Variants in PCDH7 observed in about 807,000 individuals in gnomAD.
PCDH7 encodes protocadherin 7.
PCDH7 carries 17 observed loss-of-function variants against 58.9 expected under a neutral mutation model. That is an observed-to-expected ratio of 0.29 (90% CI 0.20 to 0.43). PCDH7 has a LOEUF of 0.43. Among genes scored for constraint, PCDH7 ranks in the 20% least tolerant of loss-of-function variants. The probability of loss-of-function intolerance (pLI) is 1.00; values close to 1 mark genes in which losing one functional copy is unlikely to be tolerated. For missense variants in PCDH7, 1,274 were observed against 1,441.0 expected (o/e 0.88, Z 1.88); for synonymous variants, 664 against 616.4 (o/e 1.08, Z -1.14).
At chr4:30,851,250 G>A (rs748963519) in intron 1 of PCDH7, among the ~76,000 whole-genome samples, 12 of 151,754 alleles carry the variant, frequency 7.9e-5, no homozygotes, top group South Asian at 2.1e-4. Context: ...TTCATTTTTG[G>A]TATAATGAGA....
At chr4:30,881,727 C>G (rs1049872098) in intron 1 of PCDH7, among the ~76,000 whole-genome samples, 4 of 152,120 alleles carry the variant, frequency 2.6e-5, no homozygotes, top group Admixed American at 6.6e-5. Context: ...TAAGTTAAAA[C>G]TGGCGAAAAT....
At chr4:31,094,057 A>G (rs1236647809) in intron 3 of PCDH7, among the ~76,000 whole-genome samples, 1 of 152,082 alleles carries the variant, frequency 6.6e-6, no homozygotes, top group Non-Finnish European at 1.5e-5. Flanking sequence ...CATCTGTACA[A>G]TTTCCACATC....
At chr4:30,765,151 T>TTTTTTA (rs1577707186) in intron 1 of PCDH7, among the ~76,000 whole-genome samples, 1 of 136,788 alleles carries the variant, frequency 7.3e-6, no homozygotes, top group African/African-American at 2.8e-5. Context: ...TTTTTTTTTT[T>TTTTTTA]AAGAAGGAAA....
chr4:30,792,331 T>A (rs1724226046), intron 1 of PCDH7, among the ~76,000 whole-genome samples: 1 of 151,892 alleles, frequency 6.6e-6, no homozygotes, highest in Non-Finnish European at 1.5e-5. Flanking sequence ...CATAGTATCA[T>A]GTGTGAAAAT....
intron 3 of PCDH7, among the ~76,000 whole-genome samples, chr4:31,097,948 A>T (rs1450530048): frequency 6.6e-6 from 1 of 152,094 alleles, no homozygotes; most frequent in Non-Finnish European, 1.5e-5. Flanking sequence ...ATGCATCAAG[A>T]TAAGGTGATT....
Position 31,037,645 on chromosome 4 carries a change from T to C in PCDH7, c.*7+87430T>C, listed in dbSNP as rs147504093. On this transcript the variant is annotated intron_variant, in intron 3 of 3. Transcript: ENST00000509759. Reference sequence around the variant, plus strand: ...ATATAGACACATGGCTGATAGTAGTTGGGAATATTTTACCTTCTCCCACTG... The same window carrying C: ...ATATAGACACATGGCTGATAGTAGTCGGGAATATTTTACCTTCTCCCACTG... Among the ~76,000 whole-genome samples, 514 of 152,324 alleles carry C rather than the reference T, an allele frequency of 3.4e-3. 2 individuals are homozygous for C. The highest frequency in any genetic ancestry group is 6.7e-3 in the Non-Finnish European group (453 of 68,028).
chr4:30,782,105 T>A (rs1284816160), intron 1 of PCDH7, among the ~76,000 whole-genome samples: 2 of 152,100 alleles, frequency 1.3e-5, no homozygotes, highest in African/African-American at 2.4e-5. Flanking sequence ...GAATATATAT[T>A]TGTGAATTTA....
chr4:30,847,604 AAGAT>A (rs568137248), intron 1 of PCDH7, among the ~76,000 whole-genome samples: 12 of 152,194 alleles, frequency 7.9e-5, no homozygotes, highest in Non-Finnish European at 1.0e-4. Context: ...TTTCATACAT[AAGAT>A]AGATAGTTTA....
At chr4:30,760,289 A>C (rs1418838095) in intron 1 of PCDH7, among the ~76,000 whole-genome samples, 1 of 152,192 alleles carries the variant, frequency 6.6e-6, no homozygotes, top group Non-Finnish European at 1.5e-5. Flanking sequence ...ACACTTATCA[A>C]GGTCCACTTC....
intron 3 of PCDH7, among the ~76,000 whole-genome samples, chr4:30,993,837 A>G (rs1489174820): frequency 6.6e-6 from 1 of 152,082 alleles, no homozygotes; most frequent in Non-Finnish European, 1.5e-5. Flanking sequence ...AATGAATTTT[A>G]TTTAAAACCT....
downstream of PCDH7, chr4:31,146,795 A>G (rs1720713578): frequency 6.6e-6 from 1 of 152,148 alleles, no homozygotes; most frequent in Admixed American, 6.6e-5. Context: ...ACATGGTCAA[A>G]TGGTTTCACA....
chr4:30,772,130 A>G (rs1721494833), intron 1 of PCDH7, among the ~76,000 whole-genome samples: 1 of 152,168 alleles, frequency 6.6e-6, no homozygotes, highest in South Asian at 2.1e-4. Flanking sequence ...TAAGACTCCA[A>G]AAGTGCTGGG....
At chr4:30,958,591 A>T (rs1054582375) in intron 3 of PCDH7, among the ~76,000 whole-genome samples, 11 of 151,946 alleles carry the variant, frequency 7.2e-5, no homozygotes, top group African/African-American at 2.7e-4. Flanking sequence ...ATCTTCACGT[A>T]TTTTTGGCAA....
chr4:31,059,565 TAAC>T (rs756060317), intron 3 of PCDH7, among the ~76,000 whole-genome samples: 8 of 151,946 alleles, frequency 5.3e-5, no homozygotes, highest in Non-Finnish European at 1.0e-4. Context: ...CTCAAAATGA[TAAC>T]AAGTTAAACT....
Position 30,960,799 on chromosome 4 carries a change from T to C in PCDH7, c.*7+10584T>C, listed in dbSNP as rs1439986982. Among the ~76,000 whole-genome samples, 3 of 152,164 alleles carry C rather than the reference T, an allele frequency of 2.0e-5. No individual in the cohort carries two copies. In the East Asian group the frequency reaches 5.8e-4, roughly 29 times the overall value. The stretch of plus-strand genomic sequence containing the variant: ...GTTTCATTCACCTGATGTTATGCAA[T>C]ATGAGATGAGAAAATAACACTAGGA... On this transcript the variant is annotated intron_variant, in intron 3 of 3. Coordinates refer to the PCDH7 transcript ENST00000509759.
intron 1 of PCDH7, among the ~76,000 whole-genome samples, chr4:30,839,836 C>T (rs1730979072): frequency 6.6e-6 from 1 of 152,080 alleles, no homozygotes; most frequent in Non-Finnish European, 1.5e-5. Context: ...ACCTTCATGT[C>T]TTTTTAAAGA....
At chr4:30,774,593 G>A (rs891858376) in intron 1 of PCDH7, among the ~76,000 whole-genome samples, 2 of 152,074 alleles carry the variant, frequency 1.3e-5, no homozygotes, top group Non-Finnish European at 2.9e-5. Context: ...GTGACCCTTG[G>A]CCCTCATAGA....
chr4:30,755,455 G>A (rs1719171798), intron 1 of PCDH7, among the ~76,000 whole-genome samples: 1 of 152,116 alleles, frequency 6.6e-6, no homozygotes, highest in African/African-American at 2.4e-5. Flanking sequence ...AAAAAAAAGA[G>A]AGGCCTCTAG....
In PCDH7 at chr4:30,781,416, A is replaced by G. The variant is rs568739089; in HGVS notation, c.70+56820A>G. On this transcript the variant is annotated intron_variant, in intron 1 of 3. Coordinates refer to the PCDH7 transcript ENST00000509759. The stretch of plus-strand genomic sequence containing the variant: ...CGGCCTCCCAAAGTGCTGGGATTAC[A>G]GGCATGAGCCACCGCACCCGGCCCC... Among the ~76,000 whole-genome samples, 15 of 152,212 alleles carry G rather than the reference A, an allele frequency of 9.9e-5. No individual in the cohort carries two copies. The South Asian group carries it at 3.1e-3, about 32-fold the overall frequency.
Sources: allele counts gnomAD v4.1 joint callset (sites outside exome capture counted in the v4.1 genomes callset), GRCh38; gene constraint gnomAD v4.1.1; transcripts MANE v1.5; gene names NCBI Gene and HGNC (gene_info 2026-07-23, HGNC 2026-07-21).